SRBD1: variants seen among roughly 807,000 people sequenced by gnomAD.
The protein encoded by SRBD1 is S1 RNA binding domain 1.
A neutral mutation model predicts 115.3 loss-of-function variants in SRBD1; 88 were observed. The ratio of observed to expected loss-of-function variants is 0.76; its 90% CI spans 0.64 to 0.91. SRBD1 has a LOEUF of 0.91. Ranked by LOEUF, SRBD1 falls within the 40% of genes least tolerant of loss-of-function variation. The pLI is 0.00. For synonymous variants in SRBD1, 509 were observed against 407.7 expected (o/e 1.25, Z -2.99); for missense variants, 1,385 against 1,177.4 (o/e 1.18, Z -2.58).
intron 16 of SRBD1, among the ~76,000 whole-genome samples, chr2:45,465,134 C>T (rs1025803202): frequency 4.6e-5 from 7 of 151,664 alleles, no homozygotes; most frequent in East Asian, 1.9e-4. Context: ...TGATATAAAA[C>T]GGTGTAGTAT....
At chr2:45,426,723 AC>A (rs1252342452) in intron 16 of SRBD1, among the ~76,000 whole-genome samples, 1 of 152,052 alleles carries the variant, frequency 6.6e-6, no homozygotes, top group Non-Finnish European at 1.5e-5. Context: ...TCTGGAGTGG[AC>A]CCCCAGCAAA....
intron 16 of SRBD1, among the ~76,000 whole-genome samples, chr2:45,438,535 T>TA (rs1367150703): frequency 6.6e-6 from 1 of 152,146 alleles, no homozygotes; most frequent in African/African-American, 2.4e-5. Context: ...GTAAAGGAAT[T>TA]AAAGCTTTAA....
intron 15 of SRBD1, among the ~76,000 whole-genome samples, chr2:45,485,839 T>C (rs907330898): frequency 5.3e-5 from 8 of 151,962 alleles, no homozygotes; most frequent in African/African-American, 9.7e-5. Flanking sequence ...AGACTCCCAA[T>C]GAGAAATAGG....
intron 19 of SRBD1, among the ~76,000 whole-genome samples, chr2:45,402,974 A>G (rs750526167): frequency 6.6e-6 from 1 of 152,174 alleles, no homozygotes; most frequent in Non-Finnish European, 1.5e-5. Context: ...GTCTCATTCT[A>G]CTAATATAGC....
At chr2:45,599,070 G>T (rs946184248) in intron 4 of SRBD1, among the ~76,000 whole-genome samples, 1 of 152,190 alleles carries the variant, frequency 6.6e-6, no homozygotes, top group South Asian at 2.1e-4. Context: ...GGGTTAAATA[G>T]ATGTATGAAC....
Position 45,580,014 on chromosome 2 carries a change from C to T in SRBD1, c.934-1G>A. 6.5e-7 allele frequency: 1 copy of T among 1,531,244 alleles called. No homozygotes were observed. Among genetic ancestry groups the T allele is most frequent in the Non-Finnish European group, 8.8e-7 (1 of 1,142,000 alleles). 94.9% of individuals were successfully genotyped at this position (1,531,244 alleles called of 1,614,324 possible). On this transcript the variant is annotated splice_acceptor_variant, in intron 6 of 20. Coordinates refer to ENST00000263736, the MANE Select transcript of SRBD1 (RefSeq NM_018079.5). LOFTEE classifies it high-confidence loss of function. ...TGCTTCCAGTTTTATATGGAGCAGACTAGAAAATAAAGACAGAAAACATAT... is the reference window on the plus strand; with the variant it reads ...TGCTTCCAGTTTTATATGGAGCAGATTAGAAAATAAAGACAGAAAACATAT...
intron 14 of SRBD1, among the ~76,000 whole-genome samples, chr2:45,530,353 C>A (rs1245401883): frequency 6.6e-6 from 1 of 151,882 alleles, no homozygotes; most frequent in Non-Finnish European, 1.5e-5. Flanking sequence ...AACACTAAGG[C>A]CAATTCATGT....
At chr2:45,587,427 A>T (rs1209349216) in intron 4 of SRBD1, among the ~76,000 whole-genome samples, 2 of 152,032 alleles carry the variant, frequency 1.3e-5, no homozygotes, top group Admixed American at 1.3e-4. Flanking sequence ...AATAAAATCC[A>T]ATTTTAGTAG....
intron 14 of SRBD1, among the ~76,000 whole-genome samples, chr2:45,536,414 T>A (rs1671765001): frequency 1.3e-5 from 2 of 152,046 alleles, no homozygotes; most frequent in Admixed American, 6.6e-5. Context: ...AGCAAACCAA[T>A]CACCCAAACA....
chr2:45,520,378 G>C (rs560904691), intron 14 of SRBD1, among the ~76,000 whole-genome samples: 93 of 152,320 alleles, frequency 6.1e-4, no homozygotes, highest in African/African-American at 2.1e-3. Flanking sequence ...ATTAGCACCT[G>C]CTGACACTGC....
intron 16 of SRBD1, among the ~76,000 whole-genome samples, chr2:45,451,300 G>A (rs546709100): frequency 9.2e-5 from 14 of 152,178 alleles, no homozygotes; most frequent in Middle Eastern, 3.4e-3. Context: ...AGACATAGAT[G>A]ATGGTATCCC....
chr2:45,465,344 T>A (rs1472534830), intron 16 of SRBD1, among the ~76,000 whole-genome samples: 1 of 152,150 alleles, frequency 6.6e-6, no homozygotes, highest in African/African-American at 2.4e-5. Context: ...TTTCAATCCA[T>A]AATTAGTTGA....
chr2:45,532,108 T>C (rs1671631383), intron 14 of SRBD1, among the ~76,000 whole-genome samples: 1 of 151,736 alleles, frequency 6.6e-6, no homozygotes, highest in African/African-American at 2.4e-5. Flanking sequence ...AACATGTTCT[T>C]AACTTCTCAT....
intron 14 of SRBD1, among the ~76,000 whole-genome samples, chr2:45,528,296 A>C (rs1307400524): frequency 6.6e-6 from 1 of 151,872 alleles, no homozygotes; most frequent in Non-Finnish European, 1.5e-5. Flanking sequence ...AGGCCAGCTC[A>C]TGAAAGCCTT....
chr2:45,506,583 G>C (rs1670805316), intron 14 of SRBD1, among the ~76,000 whole-genome samples: 1 of 152,028 alleles, frequency 6.6e-6, no homozygotes, highest in Non-Finnish European at 1.5e-5. Flanking sequence ...AATCAGCCCA[G>C]GGGAGCCTAT....
At chr2:45,564,567 C>G (rs778791216) in intron 9 of SRBD1, among the ~76,000 whole-genome samples, 2 of 152,114 alleles carry the variant, frequency 1.3e-5, no homozygotes, top group Admixed American at 6.6e-5. Flanking sequence ...AGAACACAAG[C>G]TCAACAAATA....
chr2:45,551,518 C>G (rs1470190060), intron 11 of SRBD1, among the ~76,000 whole-genome samples: 1 of 152,120 alleles, frequency 6.6e-6, no homozygotes, highest in Non-Finnish European at 1.5e-5. Flanking sequence ...CATTACCTCT[C>G]TATCTGCTCT....
chr2:45,549,011 T>G (rs1281701633), intron 12 of SRBD1: 2 of 152,122 alleles, frequency 1.3e-5, no homozygotes, highest in Non-Finnish European at 2.9e-5. Flanking sequence ...ATCTCAACAG[T>G]CAGTTTGAGA....
chr2:45,464,186 C>T (rs796759655), intron 16 of SRBD1, among the ~76,000 whole-genome samples: 12 of 152,088 alleles, frequency 7.9e-5, no homozygotes, highest in African/African-American at 2.9e-4. Flanking sequence ...AGCACTCCTT[C>T]TTCACTTTCC....
Sources: allele counts gnomAD v4.1 joint callset (sites outside exome capture counted in the v4.1 genomes callset), GRCh38; gene constraint gnomAD v4.1.1; transcripts MANE v1.5; gene names NCBI Gene and HGNC (gene_info 2026-07-23, HGNC 2026-07-21).